Variants in GULP1 observed in about 807,000 individuals in gnomAD.
GULP1 encodes the protein GULP PTB domain containing engulfment adaptor 1, also known as PTB domain-containing engulfment adapter protein 1.
Under a neutral mutation model 40.9 loss-of-function variants are expected in GULP1, and 19 were observed. The observed-to-expected ratio is 0.46, with a 90% confidence interval of 0.32 to 0.68. GULP1 has a LOEUF of 0.68. Ranked by LOEUF, GULP1 falls within the 30% of genes least tolerant of loss-of-function variation. GULP1 has a pLI of 0.03. For missense variants in GULP1, 312 were observed against 362.2 expected, an observed-to-expected ratio of 0.86 and a Z score of 1.12; for synonymous variants, 119 against 117.6, an observed-to-expected ratio of 1.01 and a Z score of -0.08.
intron 2 of GULP1, among the ~76,000 whole-genome samples, chr2:188,456,347 G>A (rs2059260829): frequency 6.6e-6 from 1 of 152,166 alleles, no homozygotes; most frequent in Non-Finnish European, 1.5e-5. Context: ...TTTCTGGGCT[G>A]GGCCTGAGGT....
intron 7 of GULP1, among the ~76,000 whole-genome samples, chr2:188,552,820 A>G (rs1693805092): frequency 6.6e-6 from 1 of 151,136 alleles, no homozygotes; most frequent in Admixed American, 6.6e-5. Context: ...CTCTCCTTAT[A>G]GAGAACTTTT....
intron 6 of GULP1, among the ~76,000 whole-genome samples, chr2:188,537,134 G>C (rs1361602993): frequency 2.6e-5 from 4 of 151,950 alleles, no homozygotes; most frequent in Admixed American, 2.6e-4. Context: ...TCAGTTAAGA[G>C]GGATAGTTTG....
At chr2:188,475,133 T>C (rs555802452) in intron 2 of GULP1, among the ~76,000 whole-genome samples, 8 of 152,184 alleles carry the variant, frequency 5.3e-5, no homozygotes, top group Non-Finnish European at 8.8e-5. Flanking sequence ...CTACATACTT[T>C]CTGGTGGAGT....
intron 7 of GULP1, chr2:188,541,636 G>A (rs900921278): frequency 9.7e-6 from 5 of 514,904 alleles, no homozygotes; most frequent in African/African-American, 9.6e-5. Flanking sequence ...ACTCAAATAT[G>A]ATTTAGTATT....
At chr2:188,403,442 T>C (rs537346221) in intron 2 of GULP1, among the ~76,000 whole-genome samples, 25 of 152,288 alleles carry the variant, frequency 1.6e-4, no homozygotes, top group African/African-American at 6.0e-4. Flanking sequence ...GAACTTTTGG[T>C]ATCCCCTTTT....
intron 1 of GULP1, among the ~76,000 whole-genome samples, chr2:188,374,227 A>G (rs2048000445): frequency 6.6e-6 from 1 of 152,102 alleles, no homozygotes; most frequent in Non-Finnish European, 1.5e-5. Context: ...CAAAGAATCA[A>G]TCATTTTGGT....
At chr2:188,370,490 C>T (rs1452199811) in intron 1 of GULP1, among the ~76,000 whole-genome samples, 1 of 152,106 alleles carries the variant, frequency 6.6e-6, no homozygotes, top group Non-Finnish European at 1.5e-5. Flanking sequence ...TTATGCCCTC[C>T]TCATTTAGTT....
chr2:188,592,510 G>A (rs1414193271), intron 11 of GULP1: 1 of 151,966 alleles, frequency 6.6e-6, no homozygotes, highest in Admixed American at 6.6e-5. Flanking sequence ...AAAAAATAAT[G>A]ATAAGTAGTC....
intron 2 of GULP1, among the ~76,000 whole-genome samples, chr2:188,472,237 T>C (rs2060648226): frequency 6.6e-6 from 1 of 152,140 alleles, no homozygotes; most frequent in Non-Finnish European, 1.5e-5. Flanking sequence ...TGATTATTAA[T>C]GGCCTTGAGA....
chr2:188,587,819 G>C, intron 10 of GULP1, 36 bp from the exon 11 acceptor site: 1 of 1,138,394 alleles, frequency 8.8e-7, no homozygotes. Flanking sequence ...CTCACTTCTT[G>C]TTATTTCATT....
At chr2:188,364,581 T>C (rs1330696883) in intron 1 of GULP1, among the ~76,000 whole-genome samples, 2 of 151,992 alleles carry the variant, frequency 1.3e-5, no homozygotes, top group African/African-American at 2.4e-5. Context: ...GGGAGGGAGA[T>C]GCTAGTCATG....
chr2:188,352,575 T>C (rs1158367124), intron 1 of GULP1, among the ~76,000 whole-genome samples: 2 of 145,668 alleles, frequency 1.4e-5, no homozygotes, highest in African/African-American at 2.5e-5. Context: ...TTTTCTCTTT[T>C]GCTCATTCAC....
chr2:188,518,206 T>C (rs2065382746), intron 4 of GULP1, among the ~76,000 whole-genome samples: 1 of 152,004 alleles, frequency 6.6e-6, no homozygotes, highest in Non-Finnish European at 1.5e-5. Context: ...GCAAAAGATT[T>C]AAGTGCATAT....
intron 2 of GULP1, among the ~76,000 whole-genome samples, chr2:188,443,779 C>T (rs10186335): frequency 0.016 from 2,453 of 151,414 alleles, 68 homozygotes; most frequent in African/African-American, 0.056. Context: ...CTCCGCCTCC[C>T]GGGTTCAAGC....
At chr2:188,532,753 T>TAAAA (rs5837093) in intron 6 of GULP1, among the ~76,000 whole-genome samples, 1 of 125,782 alleles carries the variant, frequency 8.0e-6, no homozygotes, top group Non-Finnish European at 1.6e-5. Context: ...CTGTCTCTAC[T>TAAAA]AAAAAAAAAA....
intron 1 of GULP1, among the ~76,000 whole-genome samples, chr2:188,310,140 C>T (rs2037826200): frequency 6.6e-6 from 1 of 152,130 alleles, no homozygotes; most frequent in Non-Finnish European, 1.5e-5. Flanking sequence ...TTATGTGCCT[C>T]TGTTAGAGTT....
intron 1 of GULP1, among the ~76,000 whole-genome samples, chr2:188,307,196 GT>G: frequency 6.6e-6 from 1 of 152,084 alleles, no homozygotes; most frequent in African/African-American, 2.4e-5. Context: ...ATTATATGCT[GT>G]TTTCATTTTG....
intron 2 of GULP1, among the ~76,000 whole-genome samples, chr2:188,446,336 C>T (rs1163539059): frequency 6.6e-6 from 1 of 152,082 alleles, no homozygotes; most frequent in African/African-American, 2.4e-5. Context: ...TATTTACCAA[C>T]CCTGGAACCA....
intron 1 of GULP1, among the ~76,000 whole-genome samples, chr2:188,368,471 C>A (rs1380009978): frequency 6.6e-6 from 1 of 152,048 alleles, no homozygotes; most frequent in Non-Finnish European, 1.5e-5. Context: ...GTCCCAGCTA[C>A]TTGGGAGGCT....
Sources: allele counts gnomAD v4.1 joint callset (sites outside exome capture counted in the v4.1 genomes callset), GRCh38; gene constraint gnomAD v4.1.1; transcripts MANE v1.5; gene names NCBI Gene and HGNC (gene_info 2026-07-23, HGNC 2026-07-21).